ERC2: variants seen among roughly 807,000 people sequenced by gnomAD.
ERC2 encodes ERC protein 2.
ERC2 carries 42 observed loss-of-function variants against 114.8 expected under a neutral mutation model. The observed-to-expected ratio is 0.37, with a 90% CI of 0.29 to 0.47. ERC2 has a LOEUF of 0.47. Ranked by LOEUF, ERC2 falls within the 20% of genes least tolerant of loss-of-function variation. ERC2 has a pLI of 0.99. For synonymous variants in ERC2, 454 were observed against 425.5 expected (o/e 1.07, Z -0.82); for missense variants, 939 against 1,150.7 (o/e 0.82, Z 2.66).
chr3:56,016,356 T>C (rs906370074), intron 8 of ERC2, among the ~76,000 whole-genome samples: 2 of 152,020 alleles, frequency 1.3e-5, no homozygotes, highest in Non-Finnish European at 2.9e-5. Context: ...CGTTTAAATC[T>C]CACAATTTTT....
rs191596500 is a variant in ERC2, at chr3:55,832,060, C to T, written c.2564+56329G>A. On this transcript the variant is annotated intron_variant, in intron 14 of 17. Transcript: ENST00000288221. ...CAGCAGCGAGGCTGGGGGAGGGGCG[C>T]CCGCCATTGCCCAGGCTTACTTAGG... 8.7e-3 allele frequency among the ~76,000 whole-genome samples: 1,325 copies of T among 152,368 alleles called. 15 individuals are homozygous for T. The highest frequency in any genetic ancestry group is 0.031 in the African/African-American group (1,280 of 41,594).
intron 3 of ERC2, among the ~76,000 whole-genome samples, chr3:56,205,597 G>T (rs186460516): frequency 2.0e-5 from 3 of 152,104 alleles, no homozygotes; most frequent in African/African-American, 7.2e-5. Flanking sequence ...CTATTTAAAG[G>T]CATTAAAATA....
chr3:56,295,528 T>C (rs1306809563), intron 3 of ERC2, among the ~76,000 whole-genome samples: 4 of 152,242 alleles, frequency 2.6e-5, no homozygotes, highest in Non-Finnish European at 5.9e-5. Flanking sequence ...AAAATTATCT[T>C]AACCCTAAAC....
At chr3:56,220,542 C>T (rs914905169) in intron 3 of ERC2, among the ~76,000 whole-genome samples, 3 of 152,182 alleles carry the variant, frequency 2.0e-5, no homozygotes, top group African/African-American at 7.2e-5. Context: ...CGGCCCAAAG[C>T]ACAACATAAA....
Position 55,855,633 on chromosome 3 carries a change from AG to A in ERC2, c.2564+32755del, listed in dbSNP as rs1460522279. Among the ~76,000 whole-genome samples the A allele has an allele frequency of 2.0e-5, 3 of 152,384 alleles. No individual in the cohort carries two copies. The East Asian group carries it at 5.8e-4, about 29-fold the overall frequency. On this transcript the variant is annotated intron_variant, in intron 14 of 17. Transcript: ENST00000288221. Reference sequence around the variant, plus strand: ...CAATTTCCTCTAAATGCTTAAAGGCAGATTAACTATAAAGAAAAACAGAATC... The same window carrying A: ...CAATTTCCTCTAAATGCTTAAAGGCAATTAACTATAAAGAAAAACAGAATC...
chr3:55,987,565 T>A (rs929971513), intron 11 of ERC2, among the ~76,000 whole-genome samples: 5 of 152,214 alleles, frequency 3.3e-5, no homozygotes, highest in Non-Finnish European at 7.3e-5. Context: ...CAAATAAAAC[T>A]GGCATCAAGT....
intron 14 of ERC2, among the ~76,000 whole-genome samples, chr3:55,871,599 G>C (rs560037742): frequency 7.9e-5 from 12 of 152,298 alleles, no homozygotes; most frequent in African/African-American, 2.4e-4. Context: ...AAGTTGAAAA[G>C]AGACAGGAAT....
chr3:55,703,083 C>T (rs574611157), intron 15 of ERC2, among the ~76,000 whole-genome samples: 2 of 152,280 alleles, frequency 1.3e-5, no homozygotes, highest in African/African-American at 2.4e-5. Flanking sequence ...TTCTTCAAGG[C>T]GCCACCTTAT....
chr3:55,883,546 A>ACACT (rs2063212407), intron 14 of ERC2, among the ~76,000 whole-genome samples: 1 of 118,960 alleles, frequency 8.4e-6, no homozygotes, highest in Admixed American at 7.7e-5. Flanking sequence ...ACATACACAC[A>ACACT]CACACACACA....
intron 4 of ERC2, among the ~76,000 whole-genome samples, chr3:56,167,940 A>G (rs2082407759): frequency 6.6e-6 from 1 of 152,172 alleles, no homozygotes; most frequent in Non-Finnish European, 1.5e-5. Flanking sequence ...TTCCAAAAAT[A>G]TCACATAAGC....
chr3:56,307,095 A>T (rs1223417984), intron 2 of ERC2, among the ~76,000 whole-genome samples: 3 of 152,202 alleles, frequency 2.0e-5, no homozygotes, highest in African/African-American at 7.2e-5. Context: ...ATGGATTATC[A>T]CAGGATCCAG....
chr3:55,588,756 C>T (rs1201396767), intron 17 of ERC2, among the ~76,000 whole-genome samples: 1 of 151,932 alleles, frequency 6.6e-6, no homozygotes, highest in Non-Finnish European at 1.5e-5. Flanking sequence ...CAAAGGGATC[C>T]AGAGATGCTG....
intron 3 of ERC2, among the ~76,000 whole-genome samples, chr3:56,174,108 A>G (rs994901473): frequency 3.3e-5 from 5 of 152,232 alleles, no homozygotes; most frequent in African/African-American, 7.2e-5. Flanking sequence ...TCATGATGCC[A>G]AGAAATTAAA....
At chr3:56,355,627 A>G (rs2058720681) in intron 2 of ERC2, among the ~76,000 whole-genome samples, 1 of 152,152 alleles carries the variant, frequency 6.6e-6, no homozygotes, top group African/African-American at 2.4e-5. Flanking sequence ...ACTTTTCAAC[A>G]TACAGAAATT....
intron 17 of ERC2, among the ~76,000 whole-genome samples, chr3:55,643,958 G>A (rs1180995087): frequency 2.0e-5 from 3 of 152,288 alleles, no homozygotes; most frequent in East Asian, 3.9e-4. Context: ...CAGACATGGG[G>A]ATGCTAGGGC....
chr3:55,620,357 G>C (rs2059276079), intron 17 of ERC2, among the ~76,000 whole-genome samples: 1 of 152,018 alleles, frequency 6.6e-6, no homozygotes, highest in South Asian at 2.1e-4. Flanking sequence ...AAGATGTGTG[G>C]GGTTTTTAGA....
At chr3:56,122,825 C>A (rs1033568508) in intron 6 of ERC2, among the ~76,000 whole-genome samples, 1 of 152,152 alleles carries the variant, frequency 6.6e-6, no homozygotes, top group South Asian at 2.1e-4. Context: ...TTTAGCAACA[C>A]CCTCCTGTCT....
At chr3:56,407,578 A>G (rs2060777193) in intron 2 of ERC2, among the ~76,000 whole-genome samples, 2 of 152,120 alleles carry the variant, frequency 1.3e-5, no homozygotes, top group South Asian at 4.2e-4. Context: ...TATTGTACAC[A>G]CACACATCAC....
At chr3:55,848,352 A>G (rs2061447082) in intron 14 of ERC2, among the ~76,000 whole-genome samples, 1 of 152,086 alleles carries the variant, frequency 6.6e-6, no homozygotes, top group Non-Finnish European at 1.5e-5. Context: ...ACCAGGATCT[A>G]TCTCCACCAC....
Sources: allele counts gnomAD v4.1 joint callset (sites outside exome capture counted in the v4.1 genomes callset), GRCh38; gene constraint gnomAD v4.1.1; transcripts MANE v1.5; gene names NCBI Gene and HGNC (gene_info 2026-07-23, HGNC 2026-07-21).